The following MME variants were observed in gnomAD, a reference collection of about 807,000 sequenced individuals.
The protein encoded by MME is membrane metalloendopeptidase.
A neutral mutation model predicts 113.2 loss-of-function variants in MME; 98 were observed. The ratio of observed to expected loss-of-function variants is 0.87; its 90% CI spans 0.74 to 1.02. The LOEUF (loss-of-function observed/expected upper bound fraction) is 1.02, where lower values mean the gene tolerates loss of function less well. MME is among the 50% of genes least tolerant of loss of function. MME has a pLI of 0.00. For missense variants in MME, 836 were observed against 896.0 expected, an observed-to-expected ratio of 0.93 and a Z score of 0.86; for synonymous variants, 292 against 300.6, an observed-to-expected ratio of 0.97 and a Z score of 0.30.
At chr3:155,107,831 G>A (rs1717818540) in intron 3 of MME, among the ~76,000 whole-genome samples, 2 of 152,074 alleles carry the variant, frequency 1.3e-5, no homozygotes, top group Admixed American at 6.5e-5. Flanking sequence ...TTTAGTCAAC[G>A]TTTTTTGCAT....
chr3:155,042,164 CAG>C (rs1713342922), intron 1 of MME, among the ~76,000 whole-genome samples: 1 of 152,162 alleles, frequency 6.6e-6, no homozygotes, highest in Non-Finnish European at 1.5e-5. Flanking sequence ...CTCAGGAACT[CAG>C]AGTTTTCCCA....
chr3:155,179,868 CA>C (rs1158620066), intron 22 of MME, among the ~76,000 whole-genome samples: 284 of 152,152 alleles, frequency 1.9e-3, no homozygotes, highest in Non-Finnish European at 4.9e-4. Flanking sequence ...ATAAAAGCAA[CA>C]AAAAATATCT....
intron 3 of MME, among the ~76,000 whole-genome samples, chr3:155,109,566 G>T (rs749673749): frequency 5.9e-5 from 9 of 152,208 alleles, no homozygotes; most frequent in Non-Finnish European, 1.2e-4. Context: ...CCTGATTCAA[G>T]TAAGTATGGG....
At chr3:155,051,898 T>C (rs1055602522) in intron 1 of MME, among the ~76,000 whole-genome samples, 5 of 152,162 alleles carry the variant, frequency 3.3e-5, no homozygotes, top group Admixed American at 6.5e-5. Flanking sequence ...CCCTTCCGCC[T>C]ATGAGCCAGT....
rs201190279 is a variant in MME, at chr3:155,084,291, G to T, written c.124G>T (p.Ala42Ser). 6.2e-7 allele frequency: 1 copy of T among 1,614,024 alleles called. No individual in the cohort carries two copies. Among genetic ancestry groups the T allele is most frequent in the Non-Finnish European group, 8.5e-7 (1 of 1,180,052 alleles). The change falls in exon 2 of 23, where the codon GCT (alanine) becomes TCT (serine). Residue 42 changes from alanine (A) to serine (S), a missense_variant. Coordinates refer to ENST00000360490, the MANE Select transcript of MME (RefSeq NM_007289.4). ...CCTTGTCCTGCTCCTCACCATCATA[G>T]CTGTGACAATGATCGCACTCTATGC... ...SVLVLLLTII[A>S]VTMIALYATY... is the part of the protein sequence containing the mutation.
chr3:155,102,847 A>G (rs1422150801), intron 3 of MME, among the ~76,000 whole-genome samples: 2 of 152,164 alleles, frequency 1.3e-5, no homozygotes, highest in African/African-American at 4.8e-5. Context: ...CGAAACCTTG[A>G]GAGCTACCTC....
chr3:155,143,440 T>A lies in MME; in HGVS notation c.1189-3T>A, dbSNP rs1057470052. 4.3e-6 allele frequency: 7 copies of A among 1,611,526 alleles called. No individual in the cohort carries two copies. Among genetic ancestry groups the A allele is most frequent in the Admixed American group, 3.3e-5 (2 of 59,892 alleles). On this transcript the variant is annotated splice_region_variant and splice_polypyrimidine_tract_variant and intron_variant, in intron 12 of 22. Transcript: ENST00000360490. ...AATGCCATTTCCTTTTTCTTTTCCGTAGGCCCTTTATGGTACAACCTCAGA... is the reference window on the plus strand; with the variant it reads ...AATGCCATTTCCTTTTTCTTTTCCGAAGGCCCTTTATGGTACAACCTCAGA...
At chr3:155,165,103 G>A (rs1000613102) in intron 17 of MME, among the ~76,000 whole-genome samples, 3 of 151,848 alleles carry the variant, frequency 2.0e-5, no homozygotes, top group Non-Finnish European at 4.4e-5. Flanking sequence ...AATGACCCAG[G>A]GCTTTGCACT....
chr3:155,180,443 A>G lies in MME; in HGVS notation c.2237A>G (p.Lys746Arg), dbSNP rs202010816. 1.9e-6 allele frequency: 3 copies of G among 1,613,358 alleles called. No individual in the cohort carries two copies. Among genetic ancestry groups the G allele is most frequent in the South Asian group, 2.2e-5 (2 of 91,068 alleles). ...RKNSYMNPEK[K>R]CRVW Reference sequence around the variant, plus strand: ...AATTCATACATGAATCCAGAAAAGAAGTGCCGGGTTTGGTGATCTTCAAAA... The same window carrying G: ...AATTCATACATGAATCCAGAAAAGAGGTGCCGGGTTTGGTGATCTTCAAAA... Residue 746 changes from lysine (K) to arginine (R), a missense_variant, in exon 23 of 23, where the codon AAG becomes AGG. Physicochemically the swap from Lys to Arg is conservative, Grantham distance 26. Coordinates refer to ENST00000360490, the MANE Select transcript of MME (RefSeq NM_007289.4).
chr3:155,028,920 A>G (rs1712877788), intron 1 of MME, among the ~76,000 whole-genome samples: 1 of 152,174 alleles, frequency 6.6e-6, no homozygotes, highest in Non-Finnish European at 1.5e-5. Context: ...AGCAAATATC[A>G]AAGGTTTAAA....
intron 22 of MME, among the ~76,000 whole-genome samples, chr3:155,174,794 G>A (rs897575315): frequency 3.9e-5 from 6 of 151,916 alleles, no homozygotes; most frequent in Non-Finnish European, 7.4e-5. Context: ...TAGAAGTTAA[G>A]GTATAAGAAT....
chr3:155,061,715 G>A (rs2108136205), intron 1 of MME, among the ~76,000 whole-genome samples: 1 of 145,630 alleles, frequency 6.9e-6, no homozygotes, highest in East Asian at 2.1e-4. Context: ...AGGCTGGAGT[G>A]CAGTGGCACA....
At chr3:155,029,390 A>G (rs538023317) in intron 1 of MME, among the ~76,000 whole-genome samples, 81 of 152,144 alleles carry the variant, frequency 5.3e-4, no homozygotes, top group African/African-American at 2.0e-3. Context: ...TATTTATATC[A>G]TAGTCCTTTA....
At chr3:155,027,407 T>C (rs936431374) in intron 1 of MME, among the ~76,000 whole-genome samples, 1 of 152,208 alleles carries the variant, frequency 6.6e-6, no homozygotes, top group African/African-American at 2.4e-5. Flanking sequence ...AAGGTTCCAA[T>C]TTATCTTTCT....
chr3:155,136,122 C>G (rs1336311816), intron 8 of MME, among the ~76,000 whole-genome samples: 1 of 152,078 alleles, frequency 6.6e-6, no homozygotes, highest in African/African-American at 2.4e-5. Context: ...TATTTGGATG[C>G]CTTCTCTTTC....
At chr3:155,147,563 T>C (rs906029557) in intron 15 of MME, among the ~76,000 whole-genome samples, 2 of 151,950 alleles carry the variant, frequency 1.3e-5, no homozygotes, top group Non-Finnish European at 2.9e-5. Context: ...AGGCTTCGAG[T>C]TTCCCTCCAC....
At chr3:155,115,200 A>G (rs201913727) in intron 4 of MME, 45 bp downstream of exon 4, 1 of 1,601,094 alleles carries the variant, frequency 6.2e-7, no homozygotes. Flanking sequence ...CTCTCTTAAT[A>G]TGTTCATTTT....
At chr3:155,040,814 A>G (rs181790409) in intron 1 of MME, among the ~76,000 whole-genome samples, 1 of 152,248 alleles carries the variant, frequency 6.6e-6, no homozygotes, top group Non-Finnish European at 1.5e-5. Flanking sequence ...TCTCCCATAT[A>G]ACCTTATAAT....
chr3:155,174,246 A>T (rs553896053), intron 22 of MME, among the ~76,000 whole-genome samples: 1 of 151,136 alleles, frequency 6.6e-6, no homozygotes, highest in South Asian at 2.1e-4. Context: ...TAGTTAAATT[A>T]TTTGTATCTT....
Sources: gnomAD v4.1 joint callset for allele counts (sites outside exome capture counted in the v4.1 genomes callset) on GRCh38, gnomAD v4.1.1 for gene constraint, MANE v1.5 for transcripts, NCBI Gene and HGNC (gene_info 2026-07-23, HGNC 2026-07-21) for gene names.